ERMAP: variants seen among roughly 807,000 people sequenced by gnomAD.
ERMAP encodes the protein erythroid membrane-associated protein.
A neutral mutation model predicts 49.5 loss-of-function variants in ERMAP; 34 were observed. The observed-to-expected ratio is 0.69, with a 90% CI of 0.52 to 0.91. The LOEUF (loss-of-function observed/expected upper bound fraction) is 0.91, where lower values mean the gene tolerates loss of function less well. Among genes scored for constraint, ERMAP ranks in the 40% least tolerant of loss-of-function variants. The probability of loss-of-function intolerance (pLI) is 0.00; values close to 1 mark genes in which losing one functional copy is unlikely to be tolerated. For missense variants in ERMAP, 541 were observed against 582.6 expected (o/e 0.93, Z 0.74); for synonymous variants, 214 against 232.2 (o/e 0.92, Z 0.71).
intron 2 of ERMAP, 46 bp from the exon 3 acceptor site, chr1:42,830,398 C>A: frequency 6.4e-7 from 1 of 1,570,414 alleles, no homozygotes; most frequent in Non-Finnish European, 8.8e-7. Flanking sequence ...CTCTGTCACG[C>A]CAAGCCCATC....
chr1:42,840,967 A>G (rs1655042327), intron 11 of ERMAP, among the ~76,000 whole-genome samples: 1 of 152,184 alleles, frequency 6.6e-6, no homozygotes, highest in Non-Finnish European at 1.5e-5. Context: ...CCAACAATAT[A>G]CATTATGAAA....
chr1:42,840,153 G>C lies in ERMAP; in HGVS notation c.660G>C (p.Lys220Asn). The change falls in exon 10 of 12, where the codon AAG becomes AAC. Residue 220 changes from lysine to asparagine, a missense_variant and splice_region_variant. By Grantham distance (94) the Lys-to-Asn change is moderately conservative. Coordinates refer to ENST00000372517, the MANE Select transcript of ERMAP (RefSeq NM_001017922.2). Reference sequence around the variant, plus strand: ...TTCCCCTTGTTTCTTCTTTCATAGAGTTGAAAAGAGCTGCAGCAAACTCAG... The same window carrying C: ...TTCCCCTTGTTTCTTCTTTCATAGACTTGAAAAGAGCTGCAGCAAACTCAG... ...KAVKKLRSEL[K>N]LKRAAANSGW... 1 of 1,614,094 alleles carries C rather than the reference G, an allele frequency of 6.2e-7. No homozygotes were observed. Among genetic ancestry groups the C allele is most frequent in the Non-Finnish European group, 8.5e-7 (1 of 1,180,016 alleles).
Position 42,842,807 on chromosome 1 carries a change from C to G in ERMAP, c.1003C>G (p.Arg335Gly). ...ANGHWLLRQS[R>G]GNEYEALTSP... ...TGGACACTGGCTTCTGCGACAGAGT[C>G]GTGGGAATGAGTATGAAGCTCTCAC... Residue 335 changes from arginine (R) to glycine (G), a missense_variant, in exon 12 of 12, where the codon CGT (arginine) becomes GGT (glycine). Transcript: ENST00000372517. 2 of 1,614,160 alleles carry G rather than the reference C, an allele frequency of 1.2e-6. No individual in the cohort carries two copies. Among genetic ancestry groups the G allele is most frequent in the Non-Finnish European group, 1.7e-6 (2 of 1,180,034 alleles).
rs1403327201 is a variant in ERMAP, at chr1:42,819,145, G to A, written c.-122+1892G>A. Among the ~76,000 whole-genome samples the A allele has an allele frequency of 4.6e-5, 7 of 150,698 alleles. No homozygotes were observed. Among genetic ancestry groups the A allele is most frequent in the African/African-American group, 7.3e-5 (3 of 41,006 alleles). On this transcript the variant is annotated intron_variant, in intron 1 of 11. Coordinates refer to ENST00000372517, the MANE Select transcript of ERMAP (RefSeq NM_001017922.2). The surrounding 1 kb of genome is among the most constrained non-coding windows in gnomAD (Gnocchi z 5.1). ...GGTGTGATGAGTTGGTTTGGGAAACGGTGAGGAAGAGGATAAGTTAGGAGC... is the reference window on the plus strand; with the variant it reads ...GGTGTGATGAGTTGGTTTGGGAAACAGTGAGGAAGAGGATAAGTTAGGAGC...
intron 3 of ERMAP, 41 bp downstream of exon 3, chr1:42,830,574 A>T: frequency 6.3e-7 from 1 of 1,587,760 alleles, no homozygotes; most frequent in Non-Finnish European, 8.6e-7. Flanking sequence ...GGTACATGTG[A>T]TATTGGCGTC....
At position 42,844,016 on chromosome 1, in the gene ERMAP, CAGTCTGTTG is replaced by C. The variant is rs1445205388; in HGVS notation, c.*794_*802del. ...ACCTTGGCCCAGACCTTCAGAGGCT[CAGTCTGTTG>C]AGTCTGTTGTGACTGTCTTATGAAT... On this transcript the variant is annotated 3_prime_UTR_variant, in exon 12 of 12. Coordinates refer to ENST00000372517, the MANE Select transcript of ERMAP (RefSeq NM_001017922.2). This position sits in a 1 kb window ranked among gnomAD's most constrained non-coding sequence, Gnocchi z 4.0. 5.0e-6 allele frequency: 2 copies of C among 398,438 alleles called. No individual in the cohort carries two copies. Among genetic ancestry groups the C allele is most frequent in the African/African-American group, 4.1e-5 (2 of 48,630 alleles). The allele number at this position is 398,438 out of a possible 1,614,324, so 24.7% of individuals were successfully genotyped here. A position where few individuals can be genotyped will look rare whatever the true frequency, so the allele number is the denominator to read the frequency against.
Position 42,817,176 on chromosome 1 carries a change from T to G in ERMAP, c.-199T>G. On this transcript the variant is annotated 5_prime_UTR_variant, in exon 1 of 12. Coordinates refer to ENST00000372517, the MANE Select transcript of ERMAP (RefSeq NM_001017922.2). ...TCGCTGGAGCCGCCGACCAAGAGGC[T>G]TGGGAGTCTGTACCTTTCCCGACCG... 8.1e-7 allele frequency: 1 copy of G among 1,238,148 alleles called. No individual in the cohort carries two copies. The highest frequency in any genetic ancestry group is 1.3e-5 in the South Asian group (1 of 75,586). 76.7% of individuals were successfully genotyped at this position (1,238,148 alleles called of 1,614,324 possible).
Position 42,830,754 on chromosome 1 carries a change from C to A in ERMAP, c.86-14C>A. On this transcript the variant is annotated splice_polypyrimidine_tract_variant and intron_variant, in intron 3 of 11. Coordinates refer to ENST00000372517, the MANE Select transcript of ERMAP (RefSeq NM_001017922.2). ...CCGTCCCTCCCAGTTGGCCTTGTCT[C>A]TTTTTTTGTCCAGGCCACGCAGGGG... 6.6e-7 allele frequency: 1 copy of A among 1,516,298 alleles called. No individual in the cohort carries two copies. Among genetic ancestry groups the A allele is most frequent in the South Asian group, 1.3e-5 (1 of 79,910 alleles). 93.9% of individuals were successfully genotyped at this position (1,516,298 alleles called of 1,614,324 possible).
chr1:42,822,153 G>A (rs1654421098), intron 1 of ERMAP, among the ~76,000 whole-genome samples: 1 of 151,418 alleles, frequency 6.6e-6, no homozygotes, highest in Non-Finnish European at 1.5e-5. Flanking sequence ...GAGTAGCACT[G>A]CTTTATATTT....
Position 42,830,856 on chromosome 1 carries a change from G to T in ERMAP, c.174G>T (p.Thr58=), listed in dbSNP as rs750066994. The T allele has an allele frequency of 3.5e-5, 57 of 1,609,588 alleles. No homozygotes were observed. The highest frequency in any genetic ancestry group is 4.8e-5 in the Non-Finnish European group (56 of 1,178,090). ...LLCPLSLWPG[T]VPKEVRWLRS... ...GCCCTCTCTCCCTCTGGCCCGGGAC[G>T]GTACCCAAGGAGGTGAGGTGGCTGC... The change falls in exon 4 of 12, where the codon ACG becomes ACT. Residue 58 remains threonine, a synonymous_variant. Coordinates refer to ENST00000372517, the MANE Select transcript of ERMAP (RefSeq NM_001017922.2).
intron 1 of ERMAP, among the ~76,000 whole-genome samples, chr1:42,821,768 T>TG (rs1654410675): frequency 6.6e-6 from 1 of 152,140 alleles, no homozygotes; most frequent in African/African-American, 2.4e-5. Flanking sequence ...TCCAGCATTT[T>TG]GGGAGGCCAA....
At chr1:42,842,405 A>C in intron 11 of ERMAP, 112 bp from the exon 12 acceptor site, 1 of 905,684 alleles carries the variant, frequency 1.1e-6, no homozygotes, top group South Asian at 1.7e-5. Context: ...CATGAACTAA[A>C]ATGGGCTAAT....
intron 3 of ERMAP, 23 bp downstream of exon 3, chr1:42,830,556 C>T (rs773606295): frequency 6.8e-6 from 11 of 1,606,234 alleles, no homozygotes; most frequent in Non-Finnish European, 9.4e-6. Flanking sequence ...GATCCTCTTT[C>T]CCTGCCTGGT....
chr1:42,838,810 C>T, intron 7 of ERMAP, 91 bp from the exon 8 acceptor site: 1 of 1,582,700 alleles, frequency 6.3e-7, no homozygotes, highest in Non-Finnish European at 8.7e-7. Context: ...TCATTTTAAT[C>T]TTGTGGGTTG....
Position 42,835,117 on chromosome 1 carries a change from G to A in ERMAP, c.513G>A (p.Val171=), listed in dbSNP as rs1460796631. 9 of 1,570,022 alleles carry A rather than the reference G, an allele frequency of 5.7e-6. No homozygotes were observed. The highest frequency in any genetic ancestry group is 7.9e-6 in the Non-Finnish European group (9 of 1,139,650). The change falls in exon 5 of 12, where the codon GTG becomes GTA. Residue 171 remains valine (V), a synonymous_variant. Coordinates refer to ENST00000372517, the MANE Select transcript of ERMAP (RefSeq NM_001017922.2). ...CTGTCCTGGTACTTCTCATCATGGT[G>A]TGCCTTTGCCTTATCTGGAAGCAAA... ...ILPVLVLLIM[V]CLCLIWKQRR...
chr1:42,833,546 A>C (rs1243805885), intron 4 of ERMAP, among the ~76,000 whole-genome samples: 1 of 152,214 alleles, frequency 6.6e-6, no homozygotes, highest in Non-Finnish European at 1.5e-5. Context: ...AATAAAATTA[A>C]TCAAAGCCCT....
Position 42,843,710 on chromosome 1 carries a change from A to AT in ERMAP, c.*479dup. The AT allele has an allele frequency of 7.1e-6, 1 of 141,752 alleles. No homozygotes were observed. Among genetic ancestry groups the AT allele is most frequent in the Non-Finnish European group, 1.4e-5 (1 of 72,022 alleles). 8.8% of individuals were successfully genotyped at this position (141,752 alleles called of 1,614,324 possible). A position where few individuals can be genotyped will look rare whatever the true frequency, so the allele number is the denominator to read the frequency against. On this transcript the variant is annotated 3_prime_UTR_variant, in exon 12 of 12. Transcript: ENST00000372517. ...CAAAGTCAGCTCTCTAAAAGCAAGC[A>AT]TGTTTTAGACCACTCACTCTTTCCC...
intron 2 of ERMAP, among the ~76,000 whole-genome samples, chr1:42,827,960 A>G (rs1430516955): frequency 6.6e-6 from 1 of 152,128 alleles, no homozygotes; most frequent in Non-Finnish European, 1.5e-5. Flanking sequence ...ACTGAAGACA[A>G]TATATATGGA....
intron 3 of ERMAP, 110 bp downstream of exon 3, chr1:42,830,643 C>T: frequency 1.4e-6 from 2 of 1,440,862 alleles, no homozygotes; most frequent in South Asian, 2.4e-5. Context: ...GTTCCCCCGG[C>T]CCTGGCAATC....
Sources: allele counts gnomAD v4.1 joint callset (sites outside exome capture counted in the v4.1 genomes callset), GRCh38; gene constraint gnomAD v4.1.1; non-coding constraint Gnocchi (gnomAD v3.1); transcripts MANE v1.5; gene names NCBI Gene and HGNC (gene_info 2026-07-23, HGNC 2026-07-21).